B3GALT1: variants seen among roughly 807,000 people sequenced by gnomAD.
B3GALT1 encodes the protein UDP-Gal:betaGlcNAc beta 1,3-galactosyltransferase, polypeptide 1.
A neutral mutation model predicts 23.2 loss-of-function variants in B3GALT1; 10 were observed. The ratio of observed to expected loss-of-function variants is 0.43; its 90% CI spans 0.27 to 0.73. The LOEUF is 0.73. Among genes scored for constraint, B3GALT1 ranks in the 30% least tolerant of loss-of-function variants. The pLI, the probability that B3GALT1 is intolerant of heterozygous loss-of-function variation, is 0.21. For synonymous variants in B3GALT1, 156 were observed against 141.5 expected, an observed-to-expected ratio of 1.10 and a Z score of -0.73; for missense variants, 299 against 405.4, an observed-to-expected ratio of 0.74 and a Z score of 2.25.
At chr2:167,753,898 C>T (rs1172726194) in intron 3 of B3GALT1, among the ~76,000 whole-genome samples, 1 of 152,126 alleles carries the variant, frequency 6.6e-6, no homozygotes, top group African/African-American at 2.4e-5. Flanking sequence ...AGTTTTATGC[C>T]TGCTTTATTC....
chr2:167,563,829 G>A (rs1684080133), intron 2 of B3GALT1, among the ~76,000 whole-genome samples: 1 of 143,796 alleles, frequency 7.0e-6, no homozygotes, highest in Non-Finnish European at 1.5e-5. Context: ...GGGCAGAGAG[G>A]CTCCCCACCT....
At chr2:167,339,874 T>C (rs1337216356) in intron 1 of B3GALT1, among the ~76,000 whole-genome samples, 1 of 152,134 alleles carries the variant, frequency 6.6e-6, no homozygotes, top group Non-Finnish European at 1.5e-5. Context: ...TCCACACAGG[T>C]TACAAGTTGC....
chr2:167,759,873 C>T (rs1687874266), intron 3 of B3GALT1, among the ~76,000 whole-genome samples: 1 of 152,162 alleles, frequency 6.6e-6, no homozygotes. Context: ...TATAGATTTG[C>T]ATGGATTTTG....
chr2:167,512,550 A>G (rs1700025009), intron 2 of B3GALT1, among the ~76,000 whole-genome samples: 1 of 89,872 alleles, frequency 1.1e-5, no homozygotes, highest in Non-Finnish European at 1.9e-5. Flanking sequence ...ATATATGTAT[A>G]TATATGTATA....
intron 3 of B3GALT1, among the ~76,000 whole-genome samples, chr2:167,652,015 G>C (rs367574343): frequency 4.9e-4 from 75 of 152,210 alleles, no homozygotes; most frequent in African/African-American, 1.7e-3. Flanking sequence ...GCTTACAATA[G>C]ACAGAAGACT....
intron 3 of B3GALT1, among the ~76,000 whole-genome samples, chr2:167,735,211 A>G (rs1274961435): frequency 6.6e-6 from 1 of 152,250 alleles, no homozygotes; most frequent in Admixed American, 6.5e-5. Flanking sequence ...GCTACAGTGA[A>G]TATGGCAAAA....
chr2:167,633,133 A>G (rs530104915), intron 2 of B3GALT1, among the ~76,000 whole-genome samples: 2 of 152,040 alleles, frequency 1.3e-5, no homozygotes, highest in Admixed American at 6.6e-5. Context: ...ATCCAGGAGA[A>G]CTTCCCCAAT....
chr2:167,831,748 G>A (rs1689359422), intron 4 of B3GALT1, among the ~76,000 whole-genome samples: 1 of 152,218 alleles, frequency 6.6e-6, no homozygotes, highest in African/African-American at 2.4e-5. Context: ...ATGAGGAAGA[G>A]AGATCAGAGA....
intron 3 of B3GALT1, among the ~76,000 whole-genome samples, chr2:167,758,068 A>T (rs900334648): frequency 2.7e-4 from 41 of 152,194 alleles, no homozygotes; most frequent in African/African-American, 9.9e-4. Flanking sequence ...TATGAATTCC[A>T]ATGGGAGTAG....
intron 3 of B3GALT1, among the ~76,000 whole-genome samples, chr2:167,704,285 G>C (rs985600263): frequency 2.0e-5 from 3 of 150,522 alleles, no homozygotes; most frequent in East Asian, 1.9e-4. Context: ...CAAAATATTA[G>C]AAGTATAATG....
At chr2:167,351,882 T>C (rs1348169203) in intron 1 of B3GALT1, among the ~76,000 whole-genome samples, 1 of 152,096 alleles carries the variant, frequency 6.6e-6, no homozygotes, top group Admixed American at 6.6e-5. Context: ...CTAATGTGGT[T>C]GTGAATTAAT....
At chr2:167,502,668 C>T (rs562329738) in intron 2 of B3GALT1, among the ~76,000 whole-genome samples, 1 of 152,122 alleles carries the variant, frequency 6.6e-6, no homozygotes, top group Non-Finnish European at 1.5e-5. Context: ...CTCACTATTA[C>T]AAGAACAGCA....
chr2:167,671,369 A>G (rs1686322960), intron 3 of B3GALT1, among the ~76,000 whole-genome samples: 1 of 152,186 alleles, frequency 6.6e-6, no homozygotes, highest in Non-Finnish European at 1.5e-5. Flanking sequence ...AATTATTGTC[A>G]AGTGCAAAGA....
At chr2:167,821,097 G>A (rs1217756291) in intron 4 of B3GALT1, among the ~76,000 whole-genome samples, 1 of 152,210 alleles carries the variant, frequency 6.6e-6, no homozygotes, top group Non-Finnish European at 1.5e-5. Context: ...TCAATACTGA[G>A]ATGCACTTGG....
chr2:167,669,839 C>T (rs1232947525), intron 3 of B3GALT1, among the ~76,000 whole-genome samples: 1 of 152,016 alleles, frequency 6.6e-6, no homozygotes, highest in Non-Finnish European at 1.5e-5. Flanking sequence ...GGACACTGCC[C>T]AAGAAGCCCG....
intron 3 of B3GALT1, among the ~76,000 whole-genome samples, chr2:167,743,259 G>A (rs775507681): frequency 5.9e-5 from 9 of 152,030 alleles, no homozygotes; most frequent in Non-Finnish European, 1.0e-4. Flanking sequence ...CCTAGGAGAA[G>A]AATTGCTGGG....
At position 167,490,797 on chromosome 2, in the gene B3GALT1, A is replaced by G. The variant is rs905732609; in HGVS notation, c.-410+520A>G. Among the ~76,000 whole-genome samples the G allele has an allele frequency of 2.6e-5, 4 of 152,188 alleles. 1 individual carries two copies. Among genetic ancestry groups the G allele is most frequent in the African/African-American group, 4.8e-5 (2 of 41,452 alleles). ...TGTCTGCTGCTTTTTATGCATGTCTATGATTGAAATCTGGACTTAGAGGAG... is the reference window on the plus strand; with the variant it reads ...TGTCTGCTGCTTTTTATGCATGTCTGTGATTGAAATCTGGACTTAGAGGAG... On this transcript the variant is annotated intron_variant, in intron 2 of 4. Transcript: ENST00000392690.
intron 2 of B3GALT1, among the ~76,000 whole-genome samples, chr2:167,563,221 T>C (rs189953659): frequency 0.011 from 1,449 of 132,322 alleles, 22 homozygotes; most frequent in East Asian, 0.073. Flanking sequence ...TCCCAGCAGG[T>C]GCAGCCGGGC....
chr2:167,490,866 G>C (rs1298147185), intron 2 of B3GALT1, among the ~76,000 whole-genome samples: 3 of 152,194 alleles, frequency 2.0e-5, no homozygotes, highest in African/African-American at 4.8e-5. Context: ...TAGATTTTCA[G>C]TGGAAGTTAA....
Sources: allele counts gnomAD v4.1 joint callset (sites outside exome capture counted in the v4.1 genomes callset), GRCh38; gene constraint gnomAD v4.1.1; transcripts MANE v1.5; gene names NCBI Gene and HGNC (gene_info 2026-07-23, HGNC 2026-07-21).